Variants in CCBE1 observed in about 807,000 individuals in gnomAD.
CCBE1 encodes collagen and calcium-binding EGF domain-containing protein 1.
A neutral mutation model predicts 50.0 loss-of-function variants in CCBE1; 37 were observed. The observed-to-expected ratio is 0.74, with a 90% CI of 0.57 to 0.97. CCBE1 has a LOEUF of 0.97. Ranked by LOEUF, CCBE1 falls within the 50% of genes least tolerant of loss-of-function variation. The pLI is 0.00. For synonymous variants in CCBE1, 234 were observed against 203.7 expected (o/e 1.15, Z -1.27); for missense variants, 538 against 523.8 (o/e 1.03, Z -0.26).
intron 2 of CCBE1, among the ~76,000 whole-genome samples, chr18:59,594,826 G>A (rs73961273): frequency 6.6e-6 from 1 of 152,026 alleles, no homozygotes; most frequent in African/African-American, 2.4e-5. Flanking sequence ...AAGAATAGCA[G>A]TTCTCAGCCG....
At chr18:59,535,875 T>C (rs192232528) in intron 2 of CCBE1, among the ~76,000 whole-genome samples, 1 of 152,282 alleles carries the variant, frequency 6.6e-6, no homozygotes, top group Admixed American at 6.5e-5. Flanking sequence ...CTTTTTTTCC[T>C]AAGGAAAAGT....
intron 3 of CCBE1, among the ~76,000 whole-genome samples, chr18:59,473,424 C>CTT (rs1912131944): frequency 6.6e-6 from 1 of 152,258 alleles, no homozygotes; most frequent in African/African-American, 2.4e-5. Flanking sequence ...CCACTTCAAT[C>CTT]TTTGGTAAAC....
At chr18:59,472,469 C>T (rs1018850250) in intron 3 of CCBE1, among the ~76,000 whole-genome samples, 6 of 152,324 alleles carry the variant, frequency 3.9e-5, no homozygotes, top group Middle Eastern at 3.4e-3. Flanking sequence ...CAGAGATCCC[C>T]TCAATTTTGC....
intron 2 of CCBE1, among the ~76,000 whole-genome samples, chr18:59,565,741 C>T (rs75184496): frequency 0.017 from 2,532 of 151,796 alleles, 28 homozygotes; most frequent in Non-Finnish European, 0.025. Flanking sequence ...GAGGGGAAGA[C>T]GGGTTGTCAC....
intron 2 of CCBE1, among the ~76,000 whole-genome samples, chr18:59,694,831 A>G (rs1568277685): frequency 6.6e-6 from 1 of 152,252 alleles, no homozygotes; most frequent in Non-Finnish European, 1.5e-5. Flanking sequence ...AGATCTTTTC[A>G]TATACACAAG....
chr18:59,673,742 G>A (rs779133352), intron 2 of CCBE1, among the ~76,000 whole-genome samples: 26 of 152,270 alleles, frequency 1.7e-4, no homozygotes, highest in Non-Finnish European at 3.1e-4. Context: ...GATGGATTAC[G>A]TTTATTGATT....
chr18:59,544,932 C>G (rs914541301), intron 2 of CCBE1, among the ~76,000 whole-genome samples: 2 of 152,186 alleles, frequency 1.3e-5, no homozygotes. Context: ...ACCTTCACAT[C>G]TAATATGAAG....
chr18:59,437,503 C>T (rs1441425151), intron 10 of CCBE1, among the ~76,000 whole-genome samples: 1 of 152,200 alleles, frequency 6.6e-6, no homozygotes, highest in African/African-American at 2.4e-5. Flanking sequence ...GAGATGGGAA[C>T]CCACGACTCC....
intron 2 of CCBE1, among the ~76,000 whole-genome samples, chr18:59,504,527 C>T (rs1913778725): frequency 6.6e-6 from 1 of 151,942 alleles, no homozygotes; most frequent in Admixed American, 6.6e-5. Flanking sequence ...GATGCTAAAT[C>T]CACTGACAGT....
chr18:59,663,590 GTC>G (rs1036074242), intron 2 of CCBE1, among the ~76,000 whole-genome samples: 2 of 152,006 alleles, frequency 1.3e-5, no homozygotes, highest in African/African-American at 4.8e-5. Context: ...CCAGGAGGAT[GTC>G]TCTGTAAGCA....
At chr18:59,506,915 C>T (rs560924131) in intron 2 of CCBE1, among the ~76,000 whole-genome samples, 2 of 152,298 alleles carry the variant, frequency 1.3e-5, no homozygotes, top group African/African-American at 4.8e-5. Context: ...GTTGAAGTCC[C>T]ATTCTCTGTC....
At chr18:59,694,764 C>T (rs542101539) in intron 2 of CCBE1, among the ~76,000 whole-genome samples, 84 of 152,234 alleles carry the variant, frequency 5.5e-4, no homozygotes, top group African/African-American at 1.6e-3. Flanking sequence ...ATAAGACCAA[C>T]GGAATACAGA....
At chr18:59,665,501 G>A (rs1220272050) in intron 2 of CCBE1, among the ~76,000 whole-genome samples, 1 of 152,138 alleles carries the variant, frequency 6.6e-6, no homozygotes, top group African/African-American at 2.4e-5. Context: ...CAGAAAGTAG[G>A]GGTACACCAC....
intron 2 of CCBE1, among the ~76,000 whole-genome samples, chr18:59,694,631 G>T (rs922080159): frequency 6.6e-6 from 1 of 152,212 alleles, no homozygotes; most frequent in Non-Finnish European, 1.5e-5. Flanking sequence ...ATGCTGTGCG[G>T]CTGGTTTCCA....
At chr18:59,592,153 G>A (rs1218328085) in intron 2 of CCBE1, among the ~76,000 whole-genome samples, 1 of 152,158 alleles carries the variant, frequency 6.6e-6, no homozygotes, top group Non-Finnish European at 1.5e-5. Flanking sequence ...GAGCCTATGA[G>A]TTCAAGGCTA....
At chr18:59,586,984 A>G (rs1423892993) in intron 2 of CCBE1, among the ~76,000 whole-genome samples, 1 of 152,216 alleles carries the variant, frequency 6.6e-6, no homozygotes, top group Non-Finnish European at 1.5e-5. Context: ...AAACAGAATG[A>G]AATGGAAACC....
At chr18:59,599,090 C>T (rs941628033) in intron 2 of CCBE1, among the ~76,000 whole-genome samples, 6 of 152,132 alleles carry the variant, frequency 3.9e-5, no homozygotes. Context: ...CTTTCTTCTT[C>T]TACTACTACT....
intron 2 of CCBE1, among the ~76,000 whole-genome samples, chr18:59,621,751 T>C (rs2053713086): frequency 6.6e-6 from 1 of 152,244 alleles, no homozygotes; most frequent in South Asian, 2.1e-4. Flanking sequence ...GAGCCCTCGA[T>C]GAAAGTAAGG....
At chr18:59,487,505 C>G (rs985567001) in intron 2 of CCBE1, among the ~76,000 whole-genome samples, 12 of 152,158 alleles carry the variant, frequency 7.9e-5, no homozygotes, top group African/African-American at 2.9e-4. Context: ...AGTCTCACAT[C>G]TGAGCATGCT....
Sources: gnomAD v4.1 joint callset for allele counts (sites outside exome capture counted in the v4.1 genomes callset) on GRCh38, gnomAD v4.1.1 for gene constraint, MANE v1.5 for transcripts, NCBI Gene and HGNC (gene_info 2026-07-23, HGNC 2026-07-21) for gene names.